Variants in MKLN1 observed in about 807,000 individuals in gnomAD.
The protein encoded by MKLN1 is muskelin.
In MKLN1, 18 loss-of-function variants were observed where a neutral mutation model predicts 99.0. The observed-to-expected ratio is 0.18, with a 90% CI of 0.13 to 0.27. MKLN1 has a LOEUF of 0.27. Ranked by LOEUF, MKLN1 falls within the 10% of genes least tolerant of loss-of-function variation. The pLI, the probability that MKLN1 is intolerant of heterozygous loss-of-function variation, is 1.00. For synonymous variants in MKLN1, 288 were observed against 293.2 expected (o/e 0.98, Z 0.18); for missense variants, 621 against 875.9 (o/e 0.71, Z 3.67).
chr7:131,152,547 T>A (rs1190684431), intron 2 of MKLN1, among the ~76,000 whole-genome samples: 1 of 149,932 alleles, frequency 6.7e-6, no homozygotes, highest in Non-Finnish European at 1.5e-5. Context: ...TCACCCGGGC[T>A]GGAGTGCAGT....
rs1267706741 is a variant in MKLN1 at position 131,192,134 on chromosome 7, A to AT, written c.-296-10723_-296-10722insT. 2.2e-5 allele frequency among the ~76,000 whole-genome samples: 2 copies of AT among 91,224 alleles called. 1 individual carries two copies. The highest frequency in any genetic ancestry group is 1.1e-4 in the African/African-American group (2 of 17,756). The allele number at this position is 91,224 out of a possible 152,430, so 59.8% of individuals were successfully genotyped here. On this transcript the variant is annotated intron_variant, in intron 2 of 7. Transcript: ENST00000416992. ...TTATATATATACGTATATATATAAA[A>AT]ATATATATACGTATATATACATATA... is the stretch of plus-strand genomic sequence containing the variant.
chr7:131,135,225 T>C (rs576537267), intron 1 of MKLN1, among the ~76,000 whole-genome samples: 1 of 152,192 alleles, frequency 6.6e-6, no homozygotes, highest in African/African-American at 2.4e-5. Flanking sequence ...CAGGTTCAAG[T>C]GATTCTTCCG....
chr7:131,263,126 A>G (rs930143137), intron 3 of MKLN1, among the ~76,000 whole-genome samples: 2 of 152,212 alleles, frequency 1.3e-5, no homozygotes, highest in East Asian at 3.9e-4. Context: ...ACTGCCTCAT[A>G]TTAGGCTGTA....
chr7:131,140,567 C>T (rs1309447314), intron 1 of MKLN1, among the ~76,000 whole-genome samples: 1 of 152,190 alleles, frequency 6.6e-6, no homozygotes, highest in Non-Finnish European at 1.5e-5. Flanking sequence ...CTCGTGCTCT[C>T]TCTCTGGCCA....
intron 3 of MKLN1, among the ~76,000 whole-genome samples, chr7:131,297,629 T>A (rs1798313044): frequency 6.6e-6 from 1 of 152,166 alleles, no homozygotes; most frequent in Non-Finnish European, 1.5e-5. Context: ...CATGTATTAC[T>A]TTTACAATGG....
intron 3 of MKLN1, among the ~76,000 whole-genome samples, chr7:131,254,530 C>T (rs576707218): frequency 6.6e-6 from 1 of 151,942 alleles, no homozygotes; most frequent in African/African-American, 2.4e-5. Flanking sequence ...GGAAACCATG[C>T]TTAAAGAAGT....
intron 3 of MKLN1, among the ~76,000 whole-genome samples, chr7:131,274,666 A>C (rs1042861887): frequency 7.0e-6 from 1 of 142,056 alleles, no homozygotes; most frequent in South Asian, 2.2e-4. Flanking sequence ...AAAAAAAAAG[A>C]TGAGAGATGA....
intron 3 of MKLN1, among the ~76,000 whole-genome samples, chr7:131,278,182 A>G (rs1459764251): frequency 6.6e-6 from 1 of 151,970 alleles, no homozygotes; most frequent in Non-Finnish European, 1.5e-5. Flanking sequence ...AGCTGGGACT[A>G]CAGGCACACC....
At chr7:131,187,617 GC>G (rs1796471515) in intron 2 of MKLN1, among the ~76,000 whole-genome samples, 1 of 152,136 alleles carries the variant, frequency 6.6e-6, no homozygotes, top group African/African-American at 2.4e-5. Context: ...TTACTGGCTG[GC>G]CCTTTACAGA....
intron 2 of MKLN1, among the ~76,000 whole-genome samples, chr7:131,182,930 G>A (rs1211022348): frequency 2.0e-5 from 3 of 152,182 alleles, no homozygotes; most frequent in Non-Finnish European, 4.4e-5. Context: ...TGTGATCAAC[G>A]TGACCATGGC....
chr7:131,267,551 C>T (rs1797826015), intron 3 of MKLN1, among the ~76,000 whole-genome samples: 1 of 152,046 alleles, frequency 6.6e-6, no homozygotes, highest in Non-Finnish European at 1.5e-5. Flanking sequence ...AACTGTGGTC[C>T]CAGGCCCCTG....
chr7:131,374,954 T>A (rs1233397958), intron 1 of MKLN1, among the ~76,000 whole-genome samples: 1 of 150,952 alleles, frequency 6.6e-6, no homozygotes, highest in Non-Finnish European at 1.5e-5. Context: ...TTTTTTTTTT[T>A]AAAGACAGAG....
intron 3 of MKLN1, among the ~76,000 whole-genome samples, chr7:131,213,950 T>A (rs1422079325): frequency 6.6e-6 from 1 of 152,208 alleles, no homozygotes; most frequent in East Asian, 1.9e-4. Flanking sequence ...GTATCCATAT[T>A]TTCCTTTATG....
intron 2 of MKLN1, among the ~76,000 whole-genome samples, chr7:131,153,309 A>G (rs2116291363): frequency 6.6e-6 from 1 of 152,126 alleles, no homozygotes; most frequent in East Asian, 1.9e-4. Context: ...GCTTCTGTAC[A>G]TATTATTTAT....
At chr7:131,466,923 ACG>A (rs58111500) in intron 15 of MKLN1, among the ~76,000 whole-genome samples, 15,860 of 150,410 alleles carry the variant, frequency 0.11, 848 homozygotes, top group East Asian at 0.19. Context: ...ACACACACAC[ACG>A]CGCGCGCGCG....
At chr7:131,316,573 C>A (rs963918407) in intron 3 of MKLN1, among the ~76,000 whole-genome samples, 2 of 152,142 alleles carry the variant, frequency 1.3e-5, no homozygotes, top group African/African-American at 4.8e-5. Flanking sequence ...CAACTCCTCT[C>A]CAGCAAGGAC....
chr7:131,158,417 G>C (rs1795999540), intron 2 of MKLN1, among the ~76,000 whole-genome samples: 1 of 152,120 alleles, frequency 6.6e-6, no homozygotes, highest in Admixed American at 6.5e-5. Context: ...CTGGGCTACA[G>C]AGTGAAACTC....
chr7:131,320,968 T>A (rs970718583), intron 3 of MKLN1, among the ~76,000 whole-genome samples: 2 of 152,218 alleles, frequency 1.3e-5, no homozygotes, highest in African/African-American at 4.8e-5. Flanking sequence ...AGGAATGCTT[T>A]TACACTTGTT....
At chr7:131,374,389 TTTATA>T (rs1178384116) in intron 1 of MKLN1, among the ~76,000 whole-genome samples, 2 of 152,116 alleles carry the variant, frequency 1.3e-5, no homozygotes, top group South Asian at 2.1e-4. Flanking sequence ...CCTATAATTA[TTTATA>T]TTATATTACG....
Sources: allele counts gnomAD v4.1 joint callset (sites outside exome capture counted in the v4.1 genomes callset), GRCh38; gene constraint gnomAD v4.1.1; transcripts MANE v1.5; gene names NCBI Gene and HGNC (gene_info 2026-07-23, HGNC 2026-07-21).